The following PARD3 variants were observed in gnomAD, a reference collection of about 807,000 sequenced individuals.
PARD3 encodes the protein par-3 family cell polarity regulator.
Under a neutral mutation model 155.4 loss-of-function variants are expected in PARD3, and 75 were observed. The observed-to-expected ratio is 0.48, with a 90% CI of 0.40 to 0.58. The LOEUF (loss-of-function observed/expected upper bound fraction) is 0.58, where lower values mean the gene tolerates loss of function less well. PARD3 is among the 20% of genes least tolerant of loss of function. The probability of loss-of-function intolerance (pLI) is 0.00; values close to 1 mark genes in which losing one functional copy is unlikely to be tolerated. For missense variants in PARD3, 1,642 were observed against 1,721.7 expected, an observed-to-expected ratio of 0.95 and a Z score of 0.82; for synonymous variants, 576 against 610.5, an observed-to-expected ratio of 0.94 and a Z score of 0.83.
chr10:34,611,644 G>C (rs970711167), intron 2 of PARD3, among the ~76,000 whole-genome samples: 1 of 151,864 alleles, frequency 6.6e-6, no homozygotes, highest in South Asian at 2.1e-4. Context: ...AGGCTGTCTA[G>C]GAAAAAATCT....
intron 1 of PARD3, among the ~76,000 whole-genome samples, chr10:34,749,973 G>C (rs978284760): frequency 9.2e-5 from 14 of 151,602 alleles, no homozygotes; most frequent in African/African-American, 3.4e-4. Context: ...AATGAGCCAA[G>C]ATGGCACCAC....
intron 2 of PARD3, among the ~76,000 whole-genome samples, chr10:34,676,838 C>T (rs536915369): frequency 1.3e-5 from 2 of 152,216 alleles, no homozygotes; most frequent in African/African-American, 4.8e-5. Context: ...TATGATTTTT[C>T]GAAAGGGAAG....
At chr10:34,346,597 A>T (rs1198869973) in intron 15 of PARD3, 2 of 1,014,062 alleles carry the variant, frequency 2.0e-6, no homozygotes, top group Admixed American at 6.4e-5. Context: ...AAGCCAAGAA[A>T]GTACAGAAAA....
intron 2 of PARD3, among the ~76,000 whole-genome samples, chr10:34,605,524 CTATATATATCTCCTATATATATA>C (rs1485970720): frequency 9.9e-5 from 4 of 40,414 alleles, no homozygotes; most frequent in East Asian, 9.9e-4. Context: ...TATATATCTC[CTATATATATCTCCTATATATATA>C]TATATATATC....
intron 2 of PARD3, among the ~76,000 whole-genome samples, chr10:34,671,431 C>A (rs1022508156): frequency 4.6e-5 from 7 of 152,014 alleles, no homozygotes; most frequent in Non-Finnish European, 8.8e-5. Flanking sequence ...TTCATCTAGG[C>A]CACAACGTTG....
chr10:34,592,522 T>C (rs2088804492), intron 2 of PARD3, among the ~76,000 whole-genome samples: 1 of 152,122 alleles, frequency 6.6e-6, no homozygotes, highest in Non-Finnish European at 1.5e-5. Flanking sequence ...ACACCTCTAA[T>C]CCCAGCACTG....
chr10:34,510,708 C>T (rs1345279320), intron 3 of PARD3, among the ~76,000 whole-genome samples: 1 of 151,452 alleles, frequency 6.6e-6, no homozygotes, highest in Admixed American at 6.6e-5. Context: ...TTTTAAAGTA[C>T]CTTTATTAAG....
chr10:34,627,152 C>T (rs1199080154), intron 2 of PARD3, among the ~76,000 whole-genome samples: 2 of 152,184 alleles, frequency 1.3e-5, no homozygotes, highest in East Asian at 3.9e-4. Context: ...CTTAGCCTCC[C>T]AAGTAGCTGG....
chr10:34,115,280 C>T (rs193081249), intron 24 of PARD3, among the ~76,000 whole-genome samples: 1 of 151,712 alleles, frequency 6.6e-6, no homozygotes, highest in East Asian at 1.9e-4. Flanking sequence ...GACACGGAGC[C>T]GAGGGAGGGG....
chr10:34,123,460 G>C (rs1382482052), intron 23 of PARD3, among the ~76,000 whole-genome samples: 2 of 151,794 alleles, frequency 1.3e-5, no homozygotes, highest in Non-Finnish European at 2.9e-5. Context: ...TTTTATTTTA[G>C]AGTCAGAATC....
At chr10:34,564,405 G>A (rs566861431) in intron 2 of PARD3, among the ~76,000 whole-genome samples, 1 of 152,278 alleles carries the variant, frequency 6.6e-6, no homozygotes, top group South Asian at 2.1e-4. Flanking sequence ...TTCTCTGGTT[G>A]ACCAGGTAAC....
rs2092626706 is a variant in PARD3 at position 34,640,246 on chromosome 10, T to A, written c.222+56072A>T. Among the ~76,000 whole-genome samples, 4 of 152,224 alleles carry A rather than the reference T, an allele frequency of 2.6e-5. No individual in the cohort carries two copies. In the South Asian group the frequency reaches 8.3e-4, roughly 32 times the overall value. The stretch of plus-strand genomic sequence containing the variant: ...GCGTGAATCCTACAAGAGCAAAGGG[T>A]CTGGGCACCCTGAAACGTTCTTTAA... On this transcript the variant is annotated intron_variant, in intron 2 of 24. Coordinates refer to ENST00000374788, the MANE Select transcript of PARD3 (RefSeq NM_001184785.2).
At chr10:34,679,384 G>C (rs1032439461) in intron 2 of PARD3, among the ~76,000 whole-genome samples, 19 of 152,102 alleles carry the variant, frequency 1.2e-4, no homozygotes, top group Non-Finnish European at 2.5e-4. Flanking sequence ...CAGGGTGTGA[G>C]AGCACACATC....
chr10:34,444,351 G>C lies in PARD3; in HGVS notation c.714+5966C>G, dbSNP rs7083486. 7.6e-3 allele frequency among the ~76,000 whole-genome samples: 1,156 copies of C among 152,332 alleles called. 16 individuals carry two copies. Among genetic ancestry groups the C allele is most frequent in the African/African-American group, 0.025 (1,059 of 41,556 alleles). On this transcript the variant is annotated intron_variant, in intron 5 of 24. Transcript: ENST00000374788. Reference sequence around the variant, plus strand: ...TGGAATTTATTAGTTGCAATAAAGTGTGGGAATATAAGAACAAAGTCAGCT... The same window carrying C: ...TGGAATTTATTAGTTGCAATAAAGTCTGGGAATATAAGAACAAAGTCAGCT...
chr10:34,795,758 G>C (rs1018277848), intron 1 of PARD3, among the ~76,000 whole-genome samples: 1 of 152,108 alleles, frequency 6.6e-6, no homozygotes. Flanking sequence ...GTCAGGCGTG[G>C]TGGTGCATGC....
At chr10:34,443,241 TGTTTCTTCACTA>T (rs759622951) in intron 5 of PARD3, among the ~76,000 whole-genome samples, 8 of 152,202 alleles carry the variant, frequency 5.3e-5, no homozygotes, top group Non-Finnish European at 1.2e-4. Flanking sequence ...TGCTGAAAAA[TGTTTCTTCACTA>T]GTTTTTAAAT....
At chr10:34,686,966 T>C (rs1365464662) in intron 2 of PARD3, among the ~76,000 whole-genome samples, 1 of 151,834 alleles carries the variant, frequency 6.6e-6, no homozygotes, top group Non-Finnish European at 1.5e-5. Flanking sequence ...GAAGAATCGC[T>C]TGAACCCAAG....
intron 20 of PARD3, among the ~76,000 whole-genome samples, chr10:34,308,460 T>C (rs1274934651): frequency 6.6e-6 from 1 of 152,170 alleles, no homozygotes; most frequent in Non-Finnish European, 1.5e-5. Context: ...ACTTTTGCTT[T>C]TATACATTCT....
chr10:34,543,877 C>T (rs559572769), intron 2 of PARD3, among the ~76,000 whole-genome samples: 2 of 152,246 alleles, frequency 1.3e-5, no homozygotes, highest in East Asian at 3.9e-4. Flanking sequence ...AATGTAATAG[C>T]TTTGTGGAAA....
Sources: allele counts gnomAD v4.1 joint callset (sites outside exome capture counted in the v4.1 genomes callset), GRCh38; gene constraint gnomAD v4.1.1; transcripts MANE v1.5; gene names NCBI Gene and HGNC (gene_info 2026-07-23, HGNC 2026-07-21).